VDAC1: variants seen among roughly 807,000 people sequenced by gnomAD.
VDAC1 encodes the protein voltage dependent anion channel 1, also known as non-selective voltage-gated ion channel VDAC1.
A neutral mutation model predicts 34.7 loss-of-function variants in VDAC1; 10 were observed. The ratio of observed to expected loss-of-function variants is 0.29; its 90% confidence interval spans 0.18 to 0.49. VDAC1 has a LOEUF of 0.49. Among genes scored for constraint, VDAC1 ranks in the 20% least tolerant of loss-of-function variants. The pLI is 0.99. For missense variants in VDAC1, 230 were observed against 347.9 expected, an observed-to-expected ratio of 0.66 and a Z score of 2.69; for synonymous variants, 130 against 136.0, an observed-to-expected ratio of 0.96 and a Z score of 0.30.
intron 1 of VDAC1, among the ~76,000 whole-genome samples, chr5:134,000,395 A>G (rs10041027): frequency 0.62 from 94,295 of 152,010 alleles, 29,470 homozygotes; most frequent in Admixed American, 0.64. Flanking sequence ...CCTGGGCTCA[A>G]GAGGTTGCTG....
At chr5:134,030,068 C>T in the VDAC1 span, among the ~76,000 whole-genome samples, 2 of 152,130 alleles carry the variant, frequency 1.3e-5, no homozygotes, top group African/African-American at 4.8e-5. Flanking sequence ...AGGCCGGGCA[C>T]GGTGGCTCAC....
rs947503130 is a variant in VDAC1, at chr5:133,972,170, C to CA, written c.*600dup. The CA allele has an allele frequency of 7.2e-5, 11 of 151,964 alleles. No homozygotes were observed. The highest frequency in any genetic ancestry group is 2.1e-4 in the South Asian group (1 of 4,758). The allele number at this position is 151,964 out of a possible 1,614,324, so 9.4% of individuals were successfully genotyped here. A position where few individuals can be genotyped will look rare whatever the true frequency, so the allele number is the denominator to read the frequency against. On this transcript the variant is annotated 3_prime_UTR_variant, in exon 9 of 9. Transcript: ENST00000265333. ...CTATTTCATACTCTGGTGCAAGGGC[C>CA]AAAAAAAAACACAACACAAGAAGGA...
chr5:134,097,790 C>G, the VDAC1 span, among the ~76,000 whole-genome samples: 1 of 152,188 alleles, frequency 6.6e-6, no homozygotes, highest in Non-Finnish European at 1.5e-5. Flanking sequence ...AACTGCAGCT[C>G]AAGGTTCTGA....
At chr5:134,051,486 C>T in the VDAC1 span, among the ~76,000 whole-genome samples, 3 of 152,180 alleles carry the variant, frequency 2.0e-5, no homozygotes, top group African/African-American at 7.2e-5. Context: ...CAGGCAGTGC[C>T]CTTCTGTGAG....
chr5:134,059,748 A>G, the VDAC1 span, among the ~76,000 whole-genome samples: 7 of 149,884 alleles, frequency 4.7e-5, no homozygotes, highest in African/African-American at 1.5e-4. Flanking sequence ...CCTGCCCCCA[A>G]CAAAATTCCT....
At chr5:134,089,869 G>C in the VDAC1 span, among the ~76,000 whole-genome samples, 1 of 152,210 alleles carries the variant, frequency 6.6e-6, no homozygotes, top group East Asian at 1.9e-4. Flanking sequence ...GCGCATGCCT[G>C]TAATCTAAGC....
At chr5:134,016,761 C>T in the VDAC1 span, among the ~76,000 whole-genome samples, 1 of 152,226 alleles carries the variant, frequency 6.6e-6, no homozygotes, top group East Asian at 1.9e-4. Flanking sequence ...CATCTTGGTG[C>T]CAGCCTGGTA....
chr5:134,044,500 T>C, the VDAC1 span, among the ~76,000 whole-genome samples: 1 of 152,202 alleles, frequency 6.6e-6, no homozygotes, highest in Non-Finnish European at 1.5e-5. Flanking sequence ...CTAGCTGGCA[T>C]TTCAGTTCCC....
intron 7 of VDAC1, among the ~76,000 whole-genome samples, chr5:133,974,465 G>A (rs912919589): frequency 2.0e-5 from 3 of 152,138 alleles, no homozygotes; most frequent in Non-Finnish European, 2.9e-5. Flanking sequence ...GAGGCGGGGC[G>A]GGGGGAATTA....
At chr5:134,050,227 A>C in the VDAC1 span, among the ~76,000 whole-genome samples, 1 of 152,296 alleles carries the variant, frequency 6.6e-6, no homozygotes, top group East Asian at 1.9e-4. Context: ...CTAGCCTGGC[A>C]AAAGAGCAAG....
intron 3 of VDAC1, among the ~76,000 whole-genome samples, chr5:133,991,596 T>C (rs554690380): frequency 6.6e-6 from 1 of 152,254 alleles, no homozygotes; most frequent in Admixed American, 6.5e-5. Context: ...AATTTGAAAA[T>C]AAGAAGCACA....
chr5:134,099,099 G>A, the VDAC1 span, among the ~76,000 whole-genome samples: 10 of 152,182 alleles, frequency 6.6e-5, no homozygotes, highest in Admixed American at 4.6e-4. Context: ...GAAGGAAGGC[G>A]GGCAGAGAGG....
Position 133,993,018 on chromosome 5 carries a change from G to A in VDAC1, c.-6C>T. 1 of 1,610,234 alleles carries A rather than the reference G, an allele frequency of 6.2e-7. No individual in the cohort carries two copies. The highest frequency in any genetic ancestry group is 2.2e-5 in the East Asian group (1 of 44,812). The stretch of plus-strand genomic sequence containing the variant: ...TACGTGGGTGGCACAGCCATCTTCT[G>A]CTATGATAAAAGAATCACCAGAATA... On this transcript the variant is annotated splice_region_variant and 5_prime_UTR_variant, in exon 2 of 9. Coordinates refer to ENST00000265333, the MANE Select transcript of VDAC1 (RefSeq NM_003374.3).
At chr5:133,981,465 A>G (rs1752696136) in intron 5 of VDAC1, among the ~76,000 whole-genome samples, 1 of 152,258 alleles carries the variant, frequency 6.6e-6, no homozygotes, top group African/African-American at 2.4e-5. Flanking sequence ...TGAGTACAAC[A>G]GTAAAATGGA....
At chr5:134,066,389 T>C in the VDAC1 span, among the ~76,000 whole-genome samples, 2 of 152,242 alleles carry the variant, frequency 1.3e-5, no homozygotes, top group African/African-American at 4.8e-5. Flanking sequence ...AGACAATATA[T>C]AACAAATGAG....
chr5:134,061,902 A>G, the VDAC1 span, among the ~76,000 whole-genome samples: 1 of 151,710 alleles, frequency 6.6e-6, no homozygotes, highest in African/African-American at 2.4e-5. Context: ...TGCTGTAGGT[A>G]TTTAGTAGAT....
the VDAC1 span, among the ~76,000 whole-genome samples, chr5:134,019,799 C>T: frequency 2.0e-5 from 3 of 152,164 alleles, no homozygotes; most frequent in Admixed American, 6.6e-5. Flanking sequence ...AGACCAAGCA[C>T]CTGGCCTGTC....
At chr5:134,024,675 A>C in the VDAC1 span, among the ~76,000 whole-genome samples, 17 of 152,040 alleles carry the variant, frequency 1.1e-4, no homozygotes, top group African/African-American at 3.9e-4. Flanking sequence ...GAGTCTACTC[A>C]CCTCACATTT....
At chr5:134,006,739 C>G (rs1025848057), upstream of VDAC1, among the ~76,000 whole-genome samples, 15 of 104,370 alleles carry the variant, frequency 1.4e-4, no homozygotes, top group African/African-American at 5.1e-4. Flanking sequence ...TGACATTGTC[C>G]CCCCCCCCCA....
Sources: gnomAD v4.1 joint callset for allele counts (sites outside exome capture counted in the v4.1 genomes callset) on GRCh38, gnomAD v4.1.1 for gene constraint, MANE v1.5 for transcripts, NCBI Gene and HGNC (gene_info 2026-07-23, HGNC 2026-07-21) for gene names.